SNTG2: variants seen among roughly 807,000 people sequenced by gnomAD.
The protein encoded by SNTG2 is syntrophin gamma 2.
In SNTG2, 74 loss-of-function variants were observed where a neutral mutation model predicts 70.9. The observed-to-expected ratio is 1.04, with a 90% CI of 0.86 to 1.27. SNTG2 has a LOEUF of 1.27. SNTG2 is among the 50% of genes most tolerant of loss of function. The pLI, the probability that SNTG2 is intolerant of heterozygous loss-of-function variation, is 0.00. For missense variants in SNTG2, 717 were observed against 690.7 expected (o/e 1.04, Z -0.43); for synonymous variants, 278 against 273.8 (o/e 1.02, Z -0.15).
At chr2:1,174,096 G>A (rs73171714) in intron 8 of SNTG2, among the ~76,000 whole-genome samples, 149 of 152,232 alleles carry the variant, frequency 9.8e-4, no homozygotes, top group African/African-American at 3.3e-3. Flanking sequence ...ATTGCATTTA[G>A]ACTCTGTGTC....
At chr2:1,143,324 G>C (rs1357466565) in intron 6 of SNTG2, among the ~76,000 whole-genome samples, 1 of 152,132 alleles carries the variant, frequency 6.6e-6, no homozygotes, top group African/African-American at 2.4e-5. Context: ...AAGCTCTCTA[G>C]CACTCCACTC....
At chr2:1,027,510 G>A (rs1362637870) in intron 1 of SNTG2, among the ~76,000 whole-genome samples, 2 of 150,644 alleles carry the variant, frequency 1.3e-5, no homozygotes, top group Non-Finnish European at 3.0e-5. Flanking sequence ...CTGAAGGTGC[G>A]TCTGACCCAC....
At chr2:955,083 A>T (rs1660098643) in intron 1 of SNTG2, among the ~76,000 whole-genome samples, 1 of 152,238 alleles carries the variant, frequency 6.6e-6, no homozygotes, top group African/African-American at 2.4e-5. Context: ...TGCAAAAACT[A>T]TTAAACTTCA....
chr2:1,180,960 T>C (rs189989817), intron 8 of SNTG2, among the ~76,000 whole-genome samples: 1 of 151,860 alleles, frequency 6.6e-6, no homozygotes, highest in African/African-American at 2.4e-5. Context: ...CAGCAAACCA[T>C]CGCAAGGACA....
intron 13 of SNTG2, among the ~76,000 whole-genome samples, chr2:1,262,685 G>A (rs374550014): frequency 2.0e-4 from 26 of 127,572 alleles, no homozygotes; most frequent in South Asian, 5.0e-4. Context: ...CGAGGCAACC[G>A]GAAGGCTCCG....
At chr2:1,003,122 G>A (rs1262704212) in intron 1 of SNTG2, among the ~76,000 whole-genome samples, 2 of 152,018 alleles carry the variant, frequency 1.3e-5, no homozygotes, top group Non-Finnish European at 2.9e-5. Context: ...TAAGAGATGA[G>A]AAATTACCTC....
chr2:969,946 C>T (rs1325924356), intron 1 of SNTG2, among the ~76,000 whole-genome samples: 1 of 152,208 alleles, frequency 6.6e-6, no homozygotes, highest in African/African-American at 2.4e-5. Context: ...GCTTCTGGTT[C>T]TCCAGGGGAA....
chr2:1,214,082 C>T (rs1173708959), intron 9 of SNTG2, among the ~76,000 whole-genome samples: 2 of 152,046 alleles, frequency 1.3e-5, no homozygotes, highest in Non-Finnish European at 2.9e-5. Context: ...TTATTTCTGG[C>T]TTTTTATTCT....
intron 1 of SNTG2, among the ~76,000 whole-genome samples, chr2:1,071,409 C>A (rs918835990): frequency 2.7e-5 from 4 of 147,950 alleles, no homozygotes; most frequent in Non-Finnish European, 5.9e-5. Flanking sequence ...GAACAAAAAA[C>A]CAAACACCGC....
At chr2:966,409 T>C (rs959843358) in intron 1 of SNTG2, among the ~76,000 whole-genome samples, 6 of 152,142 alleles carry the variant, frequency 3.9e-5, no homozygotes, top group African/African-American at 1.4e-4. Flanking sequence ...TTTTCTTGTG[T>C]TTTGGATAAT....
At chr2:1,272,463 T>TAAAAA (rs577563977) in intron 14 of SNTG2, among the ~76,000 whole-genome samples, 3,199 of 51,782 alleles carry the variant, frequency 0.062, 423 homozygotes, top group South Asian at 0.084. Flanking sequence ...CTGGTACTGG[T>TAAAAA]AAAAAAAAAA....
At chr2:1,362,213 T>G (rs1349834010) in intron 16 of SNTG2, among the ~76,000 whole-genome samples, 1 of 150,762 alleles carries the variant, frequency 6.6e-6, no homozygotes. Flanking sequence ...CAGTAGAACT[T>G]CCACGAAGGT....
chr2:1,034,139 C>T (rs1407329849), intron 1 of SNTG2, among the ~76,000 whole-genome samples: 1 of 152,168 alleles, frequency 6.6e-6, no homozygotes, highest in East Asian at 1.9e-4. Flanking sequence ...TCCTCTTACC[C>T]TCCACCTTCA....
chr2:1,283,517 G>C (rs1679642541), intron 14 of SNTG2, among the ~76,000 whole-genome samples: 1 of 152,184 alleles, frequency 6.6e-6, no homozygotes, highest in Non-Finnish European at 1.5e-5. Flanking sequence ...AGGGCCCACA[G>C]TCCCCTCCTT....
intron 1 of SNTG2, among the ~76,000 whole-genome samples, chr2:993,966 A>G (rs1342771433): frequency 6.6e-6 from 1 of 152,080 alleles, no homozygotes; most frequent in Non-Finnish European, 1.5e-5. Flanking sequence ...TCTTCAAAGT[A>G]TCCTTTGTCA....
rs796972909 is a variant in SNTG2, at chr2:1,152,561, GGTGTGCACATGTGCATGTGTGT to G, written c.412-12964_412-12943del. On this transcript the variant is annotated intron_variant, in intron 6 of 16. Transcript: ENST00000308624. The stretch of plus-strand genomic sequence containing the variant: ...ATGTGTGCACACACGTATGTTTCTA[GGTGTGCACATGTGCATGTGTGT>G]GTGTGCACATGTGCATGTGTGTATG... Among the ~76,000 whole-genome samples, 488 of 102,250 alleles carry G rather than the reference GGTGTGCACATGTGCATGTGTGT, an allele frequency of 4.8e-3. 3 individuals carry two copies. Among genetic ancestry groups the G allele is most frequent in the African/African-American group, 0.014 (478 of 33,118 alleles). 67.1% of individuals were successfully genotyped at this position (102,250 alleles called of 152,430 possible).
At chr2:1,129,591 A>T (rs189954875) in intron 4 of SNTG2, among the ~76,000 whole-genome samples, 17 of 152,346 alleles carry the variant, frequency 1.1e-4, no homozygotes, top group Admixed American at 1.1e-3. Flanking sequence ...TTAACTTTGT[A>T]TGTATTATTT....
intron 6 of SNTG2, among the ~76,000 whole-genome samples, chr2:1,152,334 A>G (rs1669553332): frequency 1.3e-5 from 2 of 152,236 alleles, no homozygotes; most frequent in African/African-American, 2.4e-5. Flanking sequence ...TAGGAAAGAT[A>G]TTGGGTACAC....
At chr2:1,311,246 C>G (rs1680974358) in intron 15 of SNTG2, among the ~76,000 whole-genome samples, 1 of 152,204 alleles carries the variant, frequency 6.6e-6, no homozygotes, top group Non-Finnish European at 1.5e-5. Flanking sequence ...AGGCCCTGAC[C>G]TGCTGACCTA....
Sources: gnomAD v4.1 joint callset for allele counts (sites outside exome capture counted in the v4.1 genomes callset) on GRCh38, gnomAD v4.1.1 for gene constraint, MANE v1.5 for transcripts, NCBI Gene and HGNC (gene_info 2026-07-23, HGNC 2026-07-21) for gene names.